Variants in TNIP3 observed in about 807,000 individuals in gnomAD.
TNIP3 encodes TNFAIP3 interacting protein 3, also known as TNFAIP3-interacting protein 3.
In TNIP3, 34 loss-of-function variants were observed where a neutral mutation model predicts 54.1. That is an observed-to-expected ratio of 0.63 (90% CI 0.48 to 0.84). The LOEUF is 0.84. TNIP3 is among the 40% of genes least tolerant of loss of function. TNIP3 has a pLI of 0.00. For synonymous variants in TNIP3, 134 were observed against 136.8 expected, an observed-to-expected ratio of 0.98 and a Z score of 0.14; for missense variants, 366 against 387.6, an observed-to-expected ratio of 0.94 and a Z score of 0.47.
At chr4:121,225,499 C>G (rs1223259157) in intron 1 of TNIP3, among the ~76,000 whole-genome samples, 1 of 152,030 alleles carries the variant, frequency 6.6e-6, no homozygotes, top group African/African-American at 2.4e-5. Flanking sequence ...AGGTCTTTAT[C>G]CTTCATGAAA....
intron 3 of TNIP3, among the ~76,000 whole-genome samples, chr4:121,157,775 C>T (rs1410414096): frequency 6.6e-6 from 1 of 152,208 alleles, no homozygotes; most frequent in East Asian, 1.9e-4. Flanking sequence ...GAGATGGATG[C>T]ATCTTCCAAG....
chr4:121,137,344 C>T (rs1486780284), intron 10 of TNIP3: 1 of 152,100 alleles, frequency 6.6e-6, no homozygotes, highest in Admixed American at 6.6e-5. Flanking sequence ...TAATGGTATG[C>T]CTTTCTAATA....
Position 121,157,093 on chromosome 4 carries a change from C to G in TNIP3, c.363+1G>C, listed in dbSNP as rs1158140358. 1 of 1,613,996 alleles carries G rather than the reference C, an allele frequency of 6.2e-7. No individual in the cohort carries two copies. Among genetic ancestry groups the G allele is most frequent in the South Asian group, 1.1e-5 (1 of 91,076 alleles). ...GGCTCGAGGACCCGGGCCCCGCCCA[C>G]CTCCTCCCGCTGCAGCCGGTCCCGG... On this transcript the variant is annotated splice_donor_variant, in intron 4 of 10. Coordinates refer to ENST00000057513, the MANE Select transcript of TNIP3 (RefSeq NM_024873.6). LOFTEE classifies it high-confidence loss of function.
At chr4:121,189,053 T>C (rs1725167037) in intron 2 of TNIP3, among the ~76,000 whole-genome samples, 1 of 152,158 alleles carries the variant, frequency 6.6e-6, no homozygotes, top group Non-Finnish European at 1.5e-5. Context: ...TTACATTCAA[T>C]AGGAAAAACA....
At chr4:121,203,625 C>A (rs1726021216) in intron 2 of TNIP3, among the ~76,000 whole-genome samples, 1 of 152,014 alleles carries the variant, frequency 6.6e-6, no homozygotes, top group Non-Finnish European at 1.5e-5. Context: ...ATAAAACATT[C>A]AAAACAACTT....
chr4:121,189,507 C>T (rs547181252), intron 2 of TNIP3, among the ~76,000 whole-genome samples: 14 of 152,216 alleles, frequency 9.2e-5, no homozygotes, highest in African/African-American at 3.4e-4. Context: ...TAACTATGCT[C>T]CTGGTGATTT....
chr4:121,207,976 G>C (rs3899636), intron 2 of TNIP3, among the ~76,000 whole-genome samples: 1 of 152,086 alleles, frequency 6.6e-6, no homozygotes. Context: ...TAGTAAATAC[G>C]TCTCCTGAAA....
Position 121,157,136 on chromosome 4 carries a change from G to T in TNIP3, c.321C>A (p.Asp107Glu). Residue 107 changes from aspartate to glutamate, a missense_variant, in exon 4 of 11, where the codon GAC becomes GAA. Asp to Glu is a conservative substitution (Grantham distance 45). Transcript: ENST00000057513. ...QRKDDRQRED[D>E]RQRDLTRDRL... is the part of the protein sequence containing the mutation. ...GGTCCCGGGTCAGGTCGCGCTGCCT[G>T]TCGTCCTCTCTCTGCCTGTCGTCCT... The T allele has an allele frequency of 6.2e-7, 1 of 1,613,622 alleles. No homozygotes were observed. Among genetic ancestry groups the T allele is most frequent in the Non-Finnish European group, 8.5e-7 (1 of 1,179,770 alleles).
At chr4:121,218,909 C>T (rs1726918173), upstream of TNIP3, among the ~76,000 whole-genome samples, 1 of 152,016 alleles carries the variant, frequency 6.6e-6, no homozygotes, top group Non-Finnish European at 1.5e-5. Flanking sequence ...AATTAAAAAC[C>T]ACAGAAGTGG....
At chr4:121,221,106 T>C (rs1727008045), upstream of TNIP3, among the ~76,000 whole-genome samples, 1 of 152,240 alleles carries the variant, frequency 6.6e-6, no homozygotes, top group African/African-American at 2.4e-5. Context: ...GCTTGAGATA[T>C]TTGTTGCCAA....
intron 2 of TNIP3, among the ~76,000 whole-genome samples, chr4:121,213,390 A>G (rs2148848359): frequency 6.6e-6 from 1 of 152,298 alleles, no homozygotes; most frequent in South Asian, 2.1e-4. Flanking sequence ...TTGCATGGTT[A>G]TAATTATAAT....
In TNIP3 at chr4:121,142,774, T is replaced by A. The variant is rs777868187; in HGVS notation, c.738A>T (p.Ile246=). ...TTTCTTTCTCCATCTGACAAGCTTTTATCTAAAGACAAAACAAAGGCATTT... is the reference window on the plus strand; with the variant it reads ...TTTCTTTCTCCATCTGACAAGCTTTAATCTAAAGACAAAACAAAGGCATTT... ...QSQLNRLNSQ[I]KACQMEKEKL... The change falls in exon 8 of 11, where the codon ATA becomes ATT. Residue 246 remains isoleucine (I), a splice_region_variant and synonymous_variant. Coordinates refer to ENST00000057513, the MANE Select transcript of TNIP3 (RefSeq NM_024873.6). The A allele has an allele frequency of 6.2e-6, 10 of 1,612,076 alleles. No homozygotes were observed. In the Admixed American group the frequency reaches 1.7e-4, roughly 27 times the overall value.
chr4:121,162,757 A>C, intron 1 of TNIP3, among the ~76,000 whole-genome samples: 1 of 152,240 alleles, frequency 6.6e-6, no homozygotes, highest in African/African-American at 2.4e-5. Flanking sequence ...AATTTCTAGA[A>C]GAGCAGCCAG....
At chr4:121,193,389 TAAG>T (rs1410814113) in intron 2 of TNIP3, among the ~76,000 whole-genome samples, 1 of 152,148 alleles carries the variant, frequency 6.6e-6, no homozygotes, top group Non-Finnish European at 1.5e-5. Context: ...TATGTAATAA[TAAG>T]AATACATTAG....
intron 3 of TNIP3, among the ~76,000 whole-genome samples, chr4:121,157,819 A>G (rs1730207527): frequency 6.6e-6 from 1 of 152,150 alleles, no homozygotes; most frequent in Non-Finnish European, 1.5e-5. Flanking sequence ...CACTGTCTTC[A>G]CACACCTGCA....
intron 6 of TNIP3, among the ~76,000 whole-genome samples, chr4:121,149,378 T>G (rs1311458333): frequency 1.3e-5 from 2 of 152,214 alleles, no homozygotes; most frequent in Admixed American, 1.3e-4. Flanking sequence ...CTGCTCTTAT[T>G]GTGCGAAGGC....
intron 2 of TNIP3, among the ~76,000 whole-genome samples, chr4:121,191,336 A>G (rs1258399268): frequency 6.6e-6 from 1 of 152,214 alleles, no homozygotes; most frequent in East Asian, 1.9e-4. Context: ...CCATTGTTCT[A>G]CAGTGGAAAT....
intron 3 of TNIP3, among the ~76,000 whole-genome samples, chr4:121,180,580 C>A (rs888487023): frequency 5.9e-5 from 9 of 152,274 alleles, no homozygotes; most frequent in Admixed American, 4.6e-4. Context: ...ATGCTGTGAT[C>A]AATGAGCTTG....
At chr4:121,138,714 C>A in intron 9 of TNIP3, 30 bp from the exon 10 acceptor site, 1 of 1,587,918 alleles carries the variant, frequency 6.3e-7, no homozygotes, top group East Asian at 2.2e-5. Context: ...ATTATTATAG[C>A]AATATGGACT....
Sources: allele counts gnomAD v4.1 joint callset (sites outside exome capture counted in the v4.1 genomes callset), GRCh38; gene constraint gnomAD v4.1.1; transcripts MANE v1.5; gene names NCBI Gene and HGNC (gene_info 2026-07-23, HGNC 2026-07-21).